ZNF253: variants seen among roughly 807,000 people sequenced by gnomAD.
The protein encoded by ZNF253 is DNA-binding protein.
In ZNF253, 8 loss-of-function variants were observed where a neutral mutation model predicts 11.9. The observed-to-expected ratio is 0.67, with a 90% CI of 0.40 to 1.22. The LOEUF is 1.22. Ranked by LOEUF, ZNF253 falls within the 50% of genes most tolerant of loss-of-function variation. The probability of loss-of-function intolerance (pLI) is 0.01; values close to 1 mark genes in which losing one functional copy is unlikely to be tolerated. For synonymous variants in ZNF253, 194 were observed against 194.9 expected (o/e 1.00, Z 0.04); for missense variants, 485 against 586.9 (o/e 0.83, Z 1.79).
chr19:19,879,928 T>C (rs1242097050), intron 2 of ZNF253, 123 bp from the exon 3 acceptor site: 2 of 389,752 alleles, frequency 5.1e-6, no homozygotes, highest in Non-Finnish European at 8.5e-6. Flanking sequence ...ATTTCTGTTA[T>C]AAATTATTAT....
chr19:19,883,735 T>G (rs1765171921), intron 3 of ZNF253, among the ~76,000 whole-genome samples: 1 of 152,138 alleles, frequency 6.6e-6, no homozygotes, highest in African/African-American at 2.4e-5. Flanking sequence ...CCTTCAACTT[T>G]CTGTTTTATG....
chr19:19,872,578 TA>T (rs941599357), intron 1 of ZNF253, among the ~76,000 whole-genome samples: 3 of 105,280 alleles, frequency 2.8e-5, no homozygotes, highest in Admixed American at 1.9e-4. Context: ...TATATATATA[TA>T]TTATTATATA....
chr19:19,870,118 C>G (rs1445322630), intron 1 of ZNF253, among the ~76,000 whole-genome samples: 1 of 151,900 alleles, frequency 6.6e-6, no homozygotes, highest in African/African-American at 2.4e-5. Flanking sequence ...CATACATTGC[C>G]GAGTGCAGTG....
chr19:19,874,245 G>A (rs2063145680), intron 1 of ZNF253, among the ~76,000 whole-genome samples: 2 of 152,190 alleles, frequency 1.3e-5, no homozygotes, highest in Middle Eastern at 3.4e-3. Flanking sequence ...GCCTAGGAAG[G>A]CCTGGTGCAG....
chr19:19,875,107 C>A (rs2063149801), intron 1 of ZNF253, among the ~76,000 whole-genome samples: 1 of 152,094 alleles, frequency 6.6e-6, no homozygotes, highest in Non-Finnish European at 1.5e-5. Context: ...GGAGTCTTGC[C>A]TCACAGAACT....
At chr19:19,884,472 A>C (rs923488640) in intron 3 of ZNF253, among the ~76,000 whole-genome samples, 1 of 151,932 alleles carries the variant, frequency 6.6e-6, no homozygotes, top group Non-Finnish European at 1.5e-5. Flanking sequence ...TTGGGGTTCA[A>C]GCGATTCTCC....
intron 1 of ZNF253, among the ~76,000 whole-genome samples, chr19:19,878,087 G>A (rs2063162891): frequency 6.6e-6 from 1 of 151,896 alleles, no homozygotes; most frequent in Admixed American, 6.6e-5. Context: ...AAAAAACCCT[G>A]CACAACAAGG....
At position 19,880,151 on chromosome 19, in the gene ZNF253, G is replaced by A; in HGVS notation, c.226+5G>A. ...AGATGATTGCCAAACCCCCAGGTAG[G>A]TACGAGTGAAAACGAATACAACAGA... On this transcript the variant is annotated splice_donor_5th_base_variant and intron_variant, in intron 3 of 3. Coordinates refer to ENST00000589717, the MANE Select transcript of ZNF253 (RefSeq NM_021047.3). 1.9e-6 allele frequency: 3 copies of A among 1,593,626 alleles called. No homozygotes were observed. Among genetic ancestry groups the A allele is most frequent in the Non-Finnish European group, 2.6e-6 (3 of 1,171,248 alleles).
chr19:19,885,215 TATTCTTTCTTTCTTTC>T lies in ZNF253; in HGVS notation c.226+5070_226+5085del, dbSNP rs2063193618. On this transcript the variant is annotated intron_variant, in intron 3 of 3. Transcript: ENST00000589717. ...AGACCAATGTCATGTCTTTTTTTTG[TATTCTTTCTTTCTTTC>T]TTTCTTTCTTTCTTTCTTTCTTTCT... 1.7e-5 allele frequency among the ~76,000 whole-genome samples: 2 copies of T among 116,482 alleles called. 1 individual carries two copies. Among genetic ancestry groups the T allele is most frequent in the Non-Finnish European group, 3.3e-5 (2 of 60,456 alleles). 76.4% of individuals were successfully genotyped at this position (116,482 alleles called of 152,430 possible). A position where few individuals can be genotyped will look rare whatever the true frequency, so the allele number is the denominator to read the frequency against.
Position 19,892,810 on chromosome 19 carries a change from AC to A in ZNF253, c.*64del. On this transcript the variant is annotated 3_prime_UTR_variant, in exon 4 of 4. Coordinates refer to ENST00000589717, the MANE Select transcript of ZNF253 (RefSeq NM_021047.3). ...TGGGAAAGCCTTTAACCAGCCCTCG[AC>A]TCTTAGTAAATTTGAGAGTTTATAT... 1 of 1,439,974 alleles carries A rather than the reference AC, an allele frequency of 6.9e-7. No homozygotes were observed. Among genetic ancestry groups the A allele is most frequent in the Non-Finnish European group, 9.4e-7 (1 of 1,063,766 alleles). The allele number at this position is 1,439,974 out of a possible 1,614,324, so 89.2% of individuals were successfully genotyped here.
At chr19:19,874,041 C>G in intron 1 of ZNF253, among the ~76,000 whole-genome samples, 1 of 152,082 alleles carries the variant, frequency 6.6e-6, no homozygotes, top group South Asian at 2.1e-4. Context: ...CCAGAGTGTC[C>G]GGGATTACAG....
At chr19:19,866,064 T>G in intron 1 of ZNF253, 65 bp downstream of exon 1, 2 of 1,607,788 alleles carry the variant, frequency 1.2e-6, no homozygotes, top group Non-Finnish European at 1.7e-6. Context: ...GAAGTGGCTC[T>G]GGCGGGACTC....
intron 3 of ZNF253, among the ~76,000 whole-genome samples, chr19:19,890,832 A>ATTTTTTTT (rs770757608): frequency 3.9e-5 from 3 of 76,834 alleles, no homozygotes; most frequent in Non-Finnish European, 6.8e-5. Context: ...CAACAATTTA[A>ATTTTTTTT]TTTTTTTTTT....
chr19:19,873,526 T>A (rs2145261502), intron 1 of ZNF253, among the ~76,000 whole-genome samples: 1 of 152,286 alleles, frequency 6.6e-6, no homozygotes. Flanking sequence ...TCTGCTTCTG[T>A]CTCAGTGTAA....
intron 3 of ZNF253, among the ~76,000 whole-genome samples, chr19:19,888,032 C>T (rs762860170): frequency 4.0e-5 from 6 of 151,264 alleles, no homozygotes; most frequent in Non-Finnish European, 7.4e-5. Flanking sequence ...AATAGTTTTC[C>T]GAAAGAGAAA....
intron 3 of ZNF253, among the ~76,000 whole-genome samples, chr19:19,881,330 C>T (rs922471154): frequency 2.0e-5 from 3 of 151,724 alleles, no homozygotes; most frequent in Non-Finnish European, 4.4e-5. Flanking sequence ...TGTAGCTGGG[C>T]GCAGTTTAAG....
chr19:19,867,198 G>C (rs2063115201), intron 1 of ZNF253, among the ~76,000 whole-genome samples: 1 of 152,114 alleles, frequency 6.6e-6, no homozygotes, highest in South Asian at 2.1e-4. Flanking sequence ...AAAATTAGCT[G>C]GGTGTGATGG....
At chr19:19,873,007 A>G (rs537461656) in intron 1 of ZNF253, among the ~76,000 whole-genome samples, 1 of 152,290 alleles carries the variant, frequency 6.6e-6, no homozygotes, top group East Asian at 1.9e-4. Flanking sequence ...GTGAACGTAC[A>G]GAAAACTAAC....
chr19:19,870,087 TTGC>T (rs2063127910), intron 1 of ZNF253, among the ~76,000 whole-genome samples: 1 of 152,042 alleles, frequency 6.6e-6, no homozygotes, highest in Non-Finnish European at 1.5e-5. Context: ...TGAAGTATAG[TTGC>T]AGTTTTTAAA....
Sources: gnomAD v4.1 joint callset for allele counts (sites outside exome capture counted in the v4.1 genomes callset) on GRCh38, gnomAD v4.1.1 for gene constraint, MANE v1.5 for transcripts, NCBI Gene and HGNC (gene_info 2026-07-23, HGNC 2026-07-21) for gene names.